The following TBX5 variants were observed in gnomAD, a reference collection of about 807,000 sequenced individuals.
The protein encoded by TBX5 is T-box transcription factor 5, also known as T-box transcription factor TBX5.
In TBX5, 8 loss-of-function variants were observed where a neutral mutation model predicts 51.1. The ratio of observed to expected loss-of-function variants is 0.16; its 90% CI spans 0.09 to 0.28. The LOEUF (loss-of-function observed/expected upper bound fraction) is 0.28. Ranked by LOEUF, TBX5 falls within the 10% of genes least tolerant of loss-of-function variation. The probability of loss-of-function intolerance (pLI) is 1.00; values close to 1 mark genes in which losing one functional copy is unlikely to be tolerated. For synonymous variants in TBX5, 302 were observed against 266.4 expected (o/e 1.13, Z -1.30); for missense variants, 589 against 671.7 (o/e 0.88, Z 1.36).
At chr12:114,395,841 G>A (rs985752772) in intron 5 of TBX5, among the ~76,000 whole-genome samples, 1 of 152,152 alleles carries the variant, frequency 6.6e-6, no homozygotes, top group African/African-American at 2.4e-5. Flanking sequence ...AGGAGGAGGA[G>A]GAGGACTTCC....
chr12:114,393,627 C>T (rs1313687113), intron 6 of TBX5, among the ~76,000 whole-genome samples: 1 of 152,182 alleles, frequency 6.6e-6, no homozygotes, highest in African/African-American at 2.4e-5. Flanking sequence ...CTCCAACCTG[C>T]CGCTATAGGC....
chr12:114,361,584 CA>C (rs1869243745), intron 8 of TBX5, among the ~76,000 whole-genome samples: 1 of 152,126 alleles, frequency 6.6e-6, no homozygotes, highest in Non-Finnish European at 1.5e-5. Flanking sequence ...CAGCCGGTTC[CA>C]AACACAAGGA....
intron 8 of TBX5, among the ~76,000 whole-genome samples, chr12:114,362,051 C>T (rs1869270218): frequency 6.6e-6 from 1 of 152,064 alleles, no homozygotes; most frequent in Admixed American, 6.5e-5. Flanking sequence ...TTTCCAAATC[C>T]ACAAAGAAGT....
chr12:114,362,292 A>G (rs546452705), intron 8 of TBX5, among the ~76,000 whole-genome samples: 1 of 152,240 alleles, frequency 6.6e-6, no homozygotes, highest in African/African-American at 2.4e-5. Flanking sequence ...AATCCCTCCA[A>G]TGGACGTGCA....
intron 8 of TBX5, among the ~76,000 whole-genome samples, chr12:114,359,229 C>T (rs1172219283): frequency 1.3e-5 from 2 of 152,170 alleles, no homozygotes; most frequent in African/African-American, 4.8e-5. Flanking sequence ...AAAGCAGGTC[C>T]TGAACATTCT....
At chr12:114,357,305 C>T (rs1321876471) in intron 8 of TBX5, among the ~76,000 whole-genome samples, 5 of 152,138 alleles carry the variant, frequency 3.3e-5, no homozygotes, top group Admixed American at 1.3e-4. Context: ...AAGTGCTGGG[C>T]TCTTTCCTAG....
intron 7 of TBX5, among the ~76,000 whole-genome samples, chr12:114,372,162 ATACT>A (rs1406931669): frequency 1.3e-5 from 2 of 152,198 alleles, no homozygotes; most frequent in South Asian, 2.1e-4. Flanking sequence ...TATTAAAGTG[ATACT>A]TACACTAAAA....
chr12:114,366,431 C>G (rs753912503), intron 7 of TBX5, 40 bp from the exon 8 acceptor site: 3 of 1,600,430 alleles, frequency 1.9e-6, no homozygotes, highest in East Asian at 4.5e-5. Flanking sequence ...TATCAGTGCC[C>G]TGATACAGAT....
At chr12:114,357,648 A>G (rs1868998166) in intron 8 of TBX5, among the ~76,000 whole-genome samples, 1 of 152,230 alleles carries the variant, frequency 6.6e-6, no homozygotes, top group Non-Finnish European at 1.5e-5. Context: ...GGCTCATGGC[A>G]GACATAATTC....
chr12:114,398,378 G>A (rs1054697907), intron 5 of TBX5, among the ~76,000 whole-genome samples, 195 bp downstream of exon 5: 7 of 152,198 alleles, frequency 4.6e-5, no homozygotes, highest in Admixed American at 2.0e-4. Flanking sequence ...AATTGAGACG[G>A]AGGGGAGGAA....
At chr12:114,407,257 G>A (rs763321310), upstream of TBX5, 1 of 250,848 alleles carries the variant, frequency 4.0e-6, no homozygotes, top group Non-Finnish European at 6.3e-6. Flanking sequence ...CACCTTCCAG[G>A]TTTGTTTGCA....
chr12:114,370,755 T>A (rs1323464695), intron 7 of TBX5, among the ~76,000 whole-genome samples: 2 of 151,650 alleles, frequency 1.3e-5, no homozygotes, highest in Non-Finnish European at 2.9e-5. Context: ...TTTTTTCCTA[T>A]CAGTTATCAT....
At chr12:114,364,493 C>T (rs1486385321) in intron 8 of TBX5, among the ~76,000 whole-genome samples, 1 of 152,194 alleles carries the variant, frequency 6.6e-6, no homozygotes, top group East Asian at 1.9e-4. Context: ...AAAGGTTAAG[C>T]AACTTGTCAC....
At chr12:114,375,256 G>T (rs1312753523) in intron 7 of TBX5, among the ~76,000 whole-genome samples, 1 of 152,172 alleles carries the variant, frequency 6.6e-6, no homozygotes, top group Non-Finnish European at 1.5e-5. Flanking sequence ...GTGACCAGGG[G>T]ACACCTCCAT....
In TBX5 at chr12:114,401,842, T is replaced by C; in HGVS notation, c.226A>G (p.Ile76Val). The C allele has an allele frequency of 6.2e-7, 1 of 1,614,208 alleles. No homozygotes were observed. The highest frequency in any genetic ancestry group is 8.5e-7 in the Non-Finnish European group (1 of 1,180,022). Residue 76 changes from isoleucine to valine, a missense_variant, in exon 3 of 9, where the codon ATA becomes GTA. Physicochemically the swap from Ile to Val is conservative, Grantham distance 29 (BLOSUM62 3). Around this residue, in one of 7 missense-constraint regions of TBX5, gnomAD observed 13 missense variants for 32.0 expected, o/e 0.41. Transcript: ENST00000405440. ...KFHEVGTEMIITKAGRRMFPS... is the reference protein window; with the variant it reads ...KFHEVGTEMIVTKAGRRMFPS... Reference sequence around the variant, plus strand: ...CCATCTCACCTTCCAGCCTTGGTTATGATCATTTCCGTGCCCACTTCGTGG... The same window carrying C: ...CCATCTCACCTTCCAGCCTTGGTTACGATCATTTCCGTGCCCACTTCGTGG...
At position 114,355,403 on chromosome 12, in the gene TBX5, T is replaced by C. The variant is rs28730760; in HGVS notation, c.*129A>G. ...AGCATCCAGCGACCTTGAGTGCAGA[T>C]GTGAACATTGGGTGAAATGAAAAAT... is the stretch of plus-strand genomic sequence containing the variant. On this transcript the variant is annotated 3_prime_UTR_variant, in exon 9 of 9. Transcript: ENST00000405440. 8.5e-7 allele frequency: 1 copy of C among 1,180,862 alleles called. No individual in the cohort carries two copies. Among genetic ancestry groups the C allele is most frequent in the East Asian group, 2.5e-5 (1 of 39,306 alleles). The allele number at this position is 1,180,862 out of a possible 1,614,324, so 73.1% of individuals were successfully genotyped here.
chr12:114,365,901 T>G (rs1270909752), intron 8 of TBX5, among the ~76,000 whole-genome samples: 1 of 151,676 alleles, frequency 6.6e-6, no homozygotes, highest in Non-Finnish European at 1.5e-5. Flanking sequence ...CACGTGTATG[T>G]GTGCATAAAT....
intron 7 of TBX5, among the ~76,000 whole-genome samples, chr12:114,383,695 G>A (rs1360616872): frequency 6.6e-6 from 1 of 152,286 alleles, no homozygotes; most frequent in East Asian, 1.9e-4. Context: ...TGAATTCCGA[G>A]TTATGCTGGA....
At chr12:114,399,482 T>C in intron 4 of TBX5, 31 bp downstream of exon 4, 8 of 1,613,538 alleles carry the variant, frequency 5.0e-6, no homozygotes, top group Non-Finnish European at 6.8e-6. Flanking sequence ...CTTTTCTCTC[T>C]CCCCGCTCCA....
Sources: allele counts gnomAD v4.1 joint callset (sites outside exome capture counted in the v4.1 genomes callset), GRCh38; gene constraint gnomAD v4.1.1; regional missense constraint gnomAD v4.1.1; transcripts MANE v1.5; gene names NCBI Gene and HGNC (gene_info 2026-07-23, HGNC 2026-07-21).